Variants in DENND5A observed in about 807,000 individuals in gnomAD.
DENND5A encodes the protein DENN domain containing 5A, also known as DENN domain-containing protein 5A.
DENND5A carries 64 observed loss-of-function variants against 140.3 expected under a neutral mutation model. The ratio of observed to expected loss-of-function variants is 0.46; its 90% CI spans 0.37 to 0.56. The LOEUF is 0.56. Among genes scored for constraint, DENND5A ranks in the 20% least tolerant of loss-of-function variants. The probability of loss-of-function intolerance (pLI) is 0.00; values close to 1 mark genes in which losing one functional copy is unlikely to be tolerated. For synonymous variants in DENND5A, 605 were observed against 607.7 expected, an observed-to-expected ratio of 1.00 and a Z score of 0.07; for missense variants, 1,292 against 1,593.8, an observed-to-expected ratio of 0.81 and a Z score of 3.22.
At chr11:9,261,378 T>C (rs1286860525) in intron 1 of DENND5A, among the ~76,000 whole-genome samples, 1 of 152,172 alleles carries the variant, frequency 6.6e-6, no homozygotes, top group Non-Finnish European at 1.5e-5. Flanking sequence ...AGTTAGTTAC[T>C]GAGTATGATA....
chr11:9,244,482 G>A (rs1028893595), intron 1 of DENND5A, among the ~76,000 whole-genome samples: 1 of 152,076 alleles, frequency 6.6e-6, no homozygotes, highest in African/African-American at 2.4e-5. Context: ...TGATTCTCCT[G>A]CCTCAGTCTC....
chr11:9,220,883 A>C (rs1413194669), intron 1 of DENND5A, among the ~76,000 whole-genome samples: 3 of 151,666 alleles, frequency 2.0e-5, no homozygotes, highest in Non-Finnish European at 4.4e-5. Context: ...ACAAAGCGAG[A>C]CTCTGTCTCA....
At chr11:9,238,098 A>G (rs1208927293) in intron 1 of DENND5A, among the ~76,000 whole-genome samples, 1 of 152,192 alleles carries the variant, frequency 6.6e-6, no homozygotes, top group Non-Finnish European at 1.5e-5. Flanking sequence ...TGTTAATTTG[A>G]TATGAATTCA....
rs965311276 is a variant in DENND5A, at chr11:9,139,987, C to G, written c.3681-133G>C. The stretch of plus-strand genomic sequence containing the variant: ...GAAGCTGACAGCCCCCCACACCCCC[C>G]TTTCCCAAACAGGGACTGGCAAAGA... On this transcript the variant is annotated intron_variant, in intron 22 of 22. Coordinates refer to ENST00000328194, the MANE Select transcript of DENND5A (RefSeq NM_015213.4). 4.3e-5 allele frequency: 44 copies of G among 1,030,352 alleles called. No homozygotes were observed. The African/African-American group carries it at 4.3e-4, about 10-fold the overall frequency. 63.8% of individuals were successfully genotyped at this position (1,030,352 alleles called of 1,614,324 possible). A position where few individuals can be genotyped will look rare whatever the true frequency, so the allele number is the denominator to read the frequency against.
At chr11:9,199,945 C>T (rs1849470127) in intron 4 of DENND5A, among the ~76,000 whole-genome samples, 1 of 152,202 alleles carries the variant, frequency 6.6e-6, no homozygotes, top group South Asian at 2.1e-4. Context: ...CTCAGCCAGG[C>T]TCAGCAATAT....
intron 1 of DENND5A, among the ~76,000 whole-genome samples, chr11:9,254,968 G>A (rs1405406232): frequency 2.6e-5 from 4 of 152,096 alleles, no homozygotes; most frequent in Admixed American, 6.5e-5. Flanking sequence ...CTACTCGGGA[G>A]GCTGAGGCAT....
chr11:9,222,905 T>G (rs1223721490), intron 1 of DENND5A, among the ~76,000 whole-genome samples: 1 of 152,240 alleles, frequency 6.6e-6, no homozygotes, highest in African/African-American at 2.4e-5. Flanking sequence ...AAGCTCTTGC[T>G]ATAGCCTACC....
chr11:9,222,034 G>A (rs1850336211), intron 1 of DENND5A, among the ~76,000 whole-genome samples: 1 of 152,220 alleles, frequency 6.6e-6, no homozygotes, highest in African/African-American at 2.4e-5. Context: ...TGGGATTACA[G>A]GCGTGAGCCA....
intron 1 of DENND5A, among the ~76,000 whole-genome samples, chr11:9,252,684 C>T (rs1365549164): frequency 2.0e-5 from 3 of 151,990 alleles, no homozygotes; most frequent in African/African-American, 7.3e-5. Context: ...ACAAGGAAGT[C>T]ACCAGCTTCT....
At chr11:9,244,038 C>T (rs188490341) in intron 1 of DENND5A, among the ~76,000 whole-genome samples, 1 of 152,118 alleles carries the variant, frequency 6.6e-6, no homozygotes, top group African/African-American at 2.4e-5. Flanking sequence ...CAGCAGTAGG[C>T]TGTTAGTAAA....
At chr11:9,159,609 C>A (rs769634029) in intron 12 of DENND5A, among the ~76,000 whole-genome samples, 1 of 152,168 alleles carries the variant, frequency 6.6e-6, no homozygotes, top group Non-Finnish European at 1.5e-5. Context: ...TGAGCCACTG[C>A]GCCTGGCCTG....
chr11:9,260,027 C>CAAAAAA (rs56390201), intron 1 of DENND5A, among the ~76,000 whole-genome samples: 1 of 63,928 alleles, frequency 1.6e-5, no homozygotes, highest in Admixed American at 2.0e-4. Context: ...GACTCCATCT[C>CAAAAAA]AAAAAAAAAA....
At chr11:9,243,805 G>C (rs1471117533) in intron 1 of DENND5A, among the ~76,000 whole-genome samples, 1 of 152,078 alleles carries the variant, frequency 6.6e-6, no homozygotes, top group African/African-American at 2.4e-5. Flanking sequence ...AGAATCACTT[G>C]AACCTGGGAG....
intron 17 of DENND5A, 103 bp downstream of exon 17, chr11:9,145,567 C>A (rs2291840): frequency 0.19 from 234,583 of 1,252,822 alleles, 25,074 homozygotes; most frequent in East Asian, 0.4. Context: ...TGAAGCATTA[C>A]ACTGTACATA....
intron 1 of DENND5A, among the ~76,000 whole-genome samples, chr11:9,213,055 A>G (rs7395631): frequency 0.33 from 48,787 of 147,650 alleles, 9,016 homozygotes; most frequent in African/African-American, 0.49. Context: ...CCAGGCTGGA[A>G]TGCAATGGTA....
chr11:9,245,672 C>G (rs1008893755), intron 1 of DENND5A, among the ~76,000 whole-genome samples: 3 of 151,974 alleles, frequency 2.0e-5, no homozygotes, highest in Non-Finnish European at 2.9e-5. Context: ...CTCACTCTGT[C>G]CCCTAGGCTG....
At chr11:9,190,150 C>T (rs1849067046) in intron 5 of DENND5A, among the ~76,000 whole-genome samples, 1 of 152,118 alleles carries the variant, frequency 6.6e-6, no homozygotes, top group Non-Finnish European at 1.5e-5. Context: ...AACTAACTTG[C>T]TTTTGATTTT....
chr11:9,202,534 C>T (rs542458680), intron 4 of DENND5A, among the ~76,000 whole-genome samples: 6 of 152,136 alleles, frequency 3.9e-5, no homozygotes, highest in East Asian at 1.9e-4. Context: ...ATACCCCTCG[C>T]GAATCTTCCG....
chr11:9,176,157 T>A (rs1848539445), intron 8 of DENND5A, among the ~76,000 whole-genome samples: 1 of 152,236 alleles, frequency 6.6e-6, no homozygotes. Flanking sequence ...CTACTTTAAC[T>A]CAGTTAGAAC....
Sources: gnomAD v4.1 joint callset for allele counts (sites outside exome capture counted in the v4.1 genomes callset) on GRCh38, gnomAD v4.1.1 for gene constraint, MANE v1.5 for transcripts, NCBI Gene and HGNC (gene_info 2026-07-23, HGNC 2026-07-21) for gene names.